ARIH1: variants seen among roughly 807,000 people sequenced by gnomAD.
ARIH1 encodes the protein E3 ubiquitin-protein ligase ARIH1.
In ARIH1, 8 loss-of-function variants were observed where a neutral mutation model predicts 85.0. The observed-to-expected ratio is 0.09, with a 90% CI of 0.06 to 0.17. The LOEUF is 0.17. ARIH1 is among the 10% of genes least tolerant of loss of function. The pLI is 1.00. For missense variants in ARIH1, 311 were observed against 718.1 expected, an observed-to-expected ratio of 0.43 and a Z score of 6.48; for synonymous variants, 238 against 253.6, an observed-to-expected ratio of 0.94 and a Z score of 0.59.
chr15:72,555,472 C>T, intron 4 of ARIH1, 109 bp downstream of exon 4: 2 of 759,890 alleles, frequency 2.6e-6, no homozygotes, highest in East Asian at 2.7e-5. Context: ...TGTCATGATT[C>T]TAGATTCAAA....
chr15:72,510,106 C>T (rs1315620120), intron 1 of ARIH1, among the ~76,000 whole-genome samples: 1 of 152,090 alleles, frequency 6.6e-6, no homozygotes, highest in East Asian at 1.9e-4. Flanking sequence ...TTGCCTTTTC[C>T]ACTGTGTCAT....
chr15:72,533,412 G>A (rs555880025), intron 2 of ARIH1, among the ~76,000 whole-genome samples: 7 of 152,170 alleles, frequency 4.6e-5, no homozygotes, highest in Admixed American at 1.3e-4. Flanking sequence ...GCGTGAGCCC[G>A]TGGGCCCGGC....
At position 72,558,548 on chromosome 15, in the gene ARIH1, C is replaced by T. The variant is rs183590564; in HGVS notation, c.737+2641C>T. Among the ~76,000 whole-genome samples, 38 of 152,292 alleles carry T rather than the reference C, an allele frequency of 2.5e-4. No individual in the cohort carries two copies. In the East Asian group the frequency reaches 6.9e-3, roughly 28 times the overall value. On this transcript the variant is annotated intron_variant, in intron 5 of 13. Coordinates refer to ENST00000379887, the MANE Select transcript of ARIH1 (RefSeq NM_005744.5). ...AACTCCTGACCTCAGGCGATCTGCC[C>T]GCCTTGGCCTTCCAAAGTGCTAGGA...
At chr15:72,515,779 C>CT (rs1176464665) in intron 1 of ARIH1, among the ~76,000 whole-genome samples, 3 of 152,188 alleles carry the variant, frequency 2.0e-5, no homozygotes, top group Admixed American at 2.0e-4. Flanking sequence ...CTCCCTTACA[C>CT]TTCTTTGGAT....
intron 2 of ARIH1, among the ~76,000 whole-genome samples, chr15:72,532,296 C>A (rs1218297497): frequency 1.3e-5 from 2 of 150,832 alleles, no homozygotes; most frequent in East Asian, 2.0e-4. Flanking sequence ...TAAAAAAAAA[C>A]TCTTAAAATT....
intron 11 of ARIH1, among the ~76,000 whole-genome samples, chr15:72,573,494 G>A (rs1233848936): frequency 6.6e-6 from 1 of 152,116 alleles, no homozygotes; most frequent in African/African-American, 2.4e-5. Flanking sequence ...CCAGGAGGTG[G>A]AGGTTGCAGT....
At chr15:72,517,488 G>T (rs922182396) in intron 1 of ARIH1, among the ~76,000 whole-genome samples, 3 of 151,792 alleles carry the variant, frequency 2.0e-5, no homozygotes, top group African/African-American at 7.3e-5. Context: ...GCAGTGGTGG[G>T]ATCTTGGCTC....
In ARIH1 at chr15:72,597,274, A is replaced by C. The variant is rs2064366974; in HGVS notation, c.*13982A>C. ...TGATTCAGTTTGCCTCTAGCTTCAAATATTTGAAGGAACGTAGAATCAGAA... is the reference window on the plus strand; with the variant it reads ...TGATTCAGTTTGCCTCTAGCTTCAACTATTTGAAGGAACGTAGAATCAGAA... On this transcript the variant is annotated 3_prime_UTR_variant, in exon 14 of 14. Coordinates refer to ENST00000379887, the MANE Select transcript of ARIH1 (RefSeq NM_005744.5). The C allele has an allele frequency of 6.6e-6, 1 of 152,208 alleles. No individual in the cohort carries two copies. The highest frequency in any genetic ancestry group is 1.9e-4 in the East Asian group (1 of 5,180). 9.4% of individuals were successfully genotyped at this position (152,208 alleles called of 1,614,324 possible).
chr15:72,551,189 T>C (rs2064151250), intron 3 of ARIH1, among the ~76,000 whole-genome samples: 1 of 152,106 alleles, frequency 6.6e-6, no homozygotes, highest in African/African-American at 2.4e-5. Context: ...ATAAAAGAGC[T>C]AGGAATAAAC....
In ARIH1 at chr15:72,506,077, C is replaced by G. The variant is rs1034984123; in HGVS notation, c.376-11990C>G. 8.6e-5 allele frequency among the ~76,000 whole-genome samples: 13 copies of G among 152,002 alleles called. No homozygotes were observed. In the East Asian group the frequency reaches 2.4e-3, roughly 28 times the overall value. On this transcript the variant is annotated intron_variant, in intron 1 of 13. Coordinates refer to ENST00000379887, the MANE Select transcript of ARIH1 (RefSeq NM_005744.5). ...AAACTTAGTCATTGTGGGCCAGGCG[C>G]GTGGCTCACGCCTATAATACCAGCA...
At chr15:72,568,641 A>G (rs182961966) in intron 9 of ARIH1, among the ~76,000 whole-genome samples, 362 of 152,298 alleles carry the variant, frequency 2.4e-3, no homozygotes, top group African/African-American at 8.4e-3. Context: ...ACAGATATGC[A>G]TATTGTCAGT....
At chr15:72,514,666 T>C (rs1199304012) in intron 1 of ARIH1, among the ~76,000 whole-genome samples, 1 of 151,448 alleles carries the variant, frequency 6.6e-6, no homozygotes, top group African/African-American at 2.4e-5. Context: ...ATTGCACCAC[T>C]GCACTCCATC....
chr15:72,488,024 T>C (rs1430082012), intron 1 of ARIH1, among the ~76,000 whole-genome samples: 1 of 152,072 alleles, frequency 6.6e-6, no homozygotes, highest in African/African-American at 2.4e-5. Context: ...TTGATACCTT[T>C]TCTTTTCTTT....
chr15:72,500,019 A>T (rs888019598), intron 1 of ARIH1, among the ~76,000 whole-genome samples: 1 of 152,116 alleles, frequency 6.6e-6, no homozygotes, highest in African/African-American at 2.4e-5. Context: ...GAAACTCTAG[A>T]TTAGAATATT....
chr15:72,534,296 TAAAA>T (rs796170971), intron 2 of ARIH1, among the ~76,000 whole-genome samples: 1 of 146,592 alleles, frequency 6.8e-6, no homozygotes, highest in African/African-American at 2.5e-5. Flanking sequence ...GTGTAATTAT[TAAAA>T]AAAAAAACAG....
chr15:72,593,358 C>G lies in ARIH1; in HGVS notation c.*10066C>G, dbSNP rs1247029140. 6.6e-6 allele frequency: 1 copy of G among 152,042 alleles called. No homozygotes were observed. Among genetic ancestry groups the G allele is most frequent in the East Asian group, 1.9e-4 (1 of 5,192 alleles). 9.4% of individuals were successfully genotyped at this position (152,042 alleles called of 1,614,324 possible). ...TCACTTATTGGGATCTTTCGATGAACAAATTTTTTTTATAAAATCCACTTT... is the reference window on the plus strand; with the variant it reads ...TCACTTATTGGGATCTTTCGATGAAGAAATTTTTTTTATAAAATCCACTTT... On this transcript the variant is annotated 3_prime_UTR_variant, in exon 14 of 14. Transcript: ENST00000379887.
chr15:72,518,075 A>G lies in ARIH1; in HGVS notation c.384A>G (p.Ala128=), dbSNP rs530164667. ...REVNEVIQNP[A]TITRILLSHF... is the part of the protein sequence containing the mutation. ...TTCCCCTCCTTCTTTAGAATCCAGC[A>G]ACTATCACAAGAATACTCCTTAGCC... The change falls in exon 2 of 14, where the codon GCA becomes GCG. Residue 128 remains alanine (A), a synonymous_variant. Transcript: ENST00000379887. The G allele has an allele frequency of 9.9e-6, 16 of 1,610,002 alleles. No homozygotes were observed. In the East Asian group the frequency reaches 3.6e-4, roughly 36 times the overall value.
intron 3 of ARIH1, among the ~76,000 whole-genome samples, chr15:72,551,268 A>G (rs370092414): frequency 6.6e-6 from 1 of 152,366 alleles, no homozygotes; most frequent in South Asian, 2.1e-4. Context: ...TGACTTGAAT[A>G]TTTGAGATAG....
At chr15:72,492,857 G>A (rs1317673860) in intron 1 of ARIH1, among the ~76,000 whole-genome samples, 3 of 152,122 alleles carry the variant, frequency 2.0e-5, no homozygotes, top group African/African-American at 7.2e-5. Flanking sequence ...GTCACCCTTA[G>A]GAATGAAAGT....
Sources: allele counts gnomAD v4.1 joint callset (sites outside exome capture counted in the v4.1 genomes callset), GRCh38; gene constraint gnomAD v4.1.1; transcripts MANE v1.5; gene names NCBI Gene and HGNC (gene_info 2026-07-23, HGNC 2026-07-21).